SLC4A4: variants seen among roughly 807,000 people sequenced by gnomAD.
SLC4A4 encodes the protein electrogenic sodium bicarbonate cotransporter 1.
SLC4A4 carries 27 observed loss-of-function variants against 111.5 expected under a neutral mutation model. The ratio of observed to expected loss-of-function variants is 0.24; its 90% CI spans 0.18 to 0.33. SLC4A4 has a LOEUF of 0.33. Among genes scored for constraint, SLC4A4 ranks in the 10% least tolerant of loss-of-function variants. The pLI is 1.00. For synonymous variants in SLC4A4, 443 were observed against 463.4 expected (o/e 0.96, Z 0.57); for missense variants, 909 against 1,315.5 (o/e 0.69, Z 4.78).
intron 3 of SLC4A4, among the ~76,000 whole-genome samples, chr4:71,275,220 C>T (rs554937844): frequency 3.3e-5 from 5 of 152,224 alleles, no homozygotes; most frequent in African/African-American, 1.2e-4. Flanking sequence ...TCCAAGTTGC[C>T]CTGAGCTGTC....
intron 6 of SLC4A4, among the ~76,000 whole-genome samples, chr4:71,364,274 C>G (rs1329126668): frequency 2.0e-5 from 3 of 152,174 alleles, no homozygotes; most frequent in South Asian, 4.1e-4. Flanking sequence ...TTTACATAAT[C>G]TCTTTGAGCC....
intron 6 of SLC4A4, among the ~76,000 whole-genome samples, chr4:71,359,343 A>G (rs1378317376): frequency 1.3e-5 from 2 of 152,130 alleles, no homozygotes; most frequent in Admixed American, 6.5e-5. Flanking sequence ...ATCAGCTTAC[A>G]CTCTGAAGTG....
At chr4:71,283,757 G>A (rs986884498) in intron 3 of SLC4A4, among the ~76,000 whole-genome samples, 5 of 152,090 alleles carry the variant, frequency 3.3e-5, no homozygotes, top group African/African-American at 1.2e-4. Flanking sequence ...CAACATTTCC[G>A]CTGGTTTTGC....
intron 16 of SLC4A4, among the ~76,000 whole-genome samples, chr4:71,505,420 T>A (rs956881546): frequency 2.0e-5 from 3 of 152,018 alleles, no homozygotes; most frequent in Non-Finnish European, 4.4e-5. Context: ...CTCATTGCAG[T>A]TTTGATTTGC....
At chr4:71,077,353 G>T (rs1401135398) in intron 1 of SLC4A4, among the ~76,000 whole-genome samples, 1 of 151,990 alleles carries the variant, frequency 6.6e-6, no homozygotes, top group Non-Finnish European at 1.5e-5. Flanking sequence ...TAGAGACAGG[G>T]TTTCACCATG....
chr4:71,555,018 G>A (rs1307278923), intron 20 of SLC4A4, 122 bp from the exon 21 acceptor site: 2 of 752,314 alleles, frequency 2.7e-6, no homozygotes, highest in African/African-American at 1.7e-5. Context: ...ACTAGTTAGA[G>A]GTCACTAAGT....
chr4:71,308,973 C>T (rs571674251), intron 3 of SLC4A4, among the ~76,000 whole-genome samples: 4 of 152,200 alleles, frequency 2.6e-5, no homozygotes, highest in African/African-American at 9.7e-5. Flanking sequence ...AAGCTAAGAA[C>T]CACTGGCTTG....
intron 12 of SLC4A4, among the ~76,000 whole-genome samples, chr4:71,463,066 T>C (rs1487909649): frequency 6.6e-6 from 1 of 152,170 alleles, no homozygotes; most frequent in Non-Finnish European, 1.5e-5. Context: ...CTGCCAGTTG[T>C]TTGCTCTTTC....
chr4:71,076,877 C>T (rs1741847684), intron 1 of SLC4A4, among the ~76,000 whole-genome samples: 1 of 151,676 alleles, frequency 6.6e-6, no homozygotes, highest in Admixed American at 6.6e-5. Flanking sequence ...GTAGTCCCAG[C>T]TTCTTGGGAG....
At chr4:71,542,968 GT>G (rs1226035486) in intron 18 of SLC4A4, among the ~76,000 whole-genome samples, 1 of 152,070 alleles carries the variant, frequency 6.6e-6, no homozygotes, top group Non-Finnish European at 1.5e-5. Context: ...TGCTAGTTTG[GT>G]GGTGAACAAA....
intron 13 of SLC4A4, among the ~76,000 whole-genome samples, chr4:71,466,966 G>GAGAGAGA (rs369970583): frequency 0.083 from 7,284 of 87,476 alleles, 1,157 homozygotes; most frequent in Non-Finnish European, 0.11. Flanking sequence ...AGAGAGAGAG[G>GAGAGAGA]GAGAGAGAGA....
At chr4:71,417,266 A>C (rs916711523) in intron 7 of SLC4A4, among the ~76,000 whole-genome samples, 13 of 152,234 alleles carry the variant, frequency 8.5e-5, no homozygotes, top group Non-Finnish European at 1.6e-4. Context: ...TAAGAGTCAC[A>C]GCCAAGTCAA....
At chr4:71,432,234 G>T (rs1466703692) in intron 7 of SLC4A4, among the ~76,000 whole-genome samples, 6 of 152,120 alleles carry the variant, frequency 3.9e-5, no homozygotes, top group Non-Finnish European at 5.9e-5. Context: ...TGCCTAACTC[G>T]AGCAAGGAGT....
intron 3 of SLC4A4, among the ~76,000 whole-genome samples, chr4:71,330,563 C>T (rs1328207928): frequency 6.6e-6 from 1 of 152,112 alleles, no homozygotes; most frequent in Non-Finnish European, 1.5e-5. Context: ...CCCTTCCTTA[C>T]ACCTTATACA....
At chr4:71,451,013 G>A (rs1725712632) in intron 10 of SLC4A4, among the ~76,000 whole-genome samples, 175 bp from the exon 11 acceptor site, 2 of 152,178 alleles carry the variant, frequency 1.3e-5, no homozygotes, top group South Asian at 4.1e-4. Flanking sequence ...CCAGTCATTT[G>A]TATTGGTTCT....
At chr4:71,515,136 C>T (rs930083857) in intron 16 of SLC4A4, among the ~76,000 whole-genome samples, 4 of 151,898 alleles carry the variant, frequency 2.6e-5, no homozygotes, top group Non-Finnish European at 5.9e-5. Flanking sequence ...CTTCTTCATA[C>T]TGTTTTGCTG....
At chr4:71,263,670 A>G (rs1258961354) in intron 3 of SLC4A4, among the ~76,000 whole-genome samples, 4 of 152,226 alleles carry the variant, frequency 2.6e-5, no homozygotes, top group Non-Finnish European at 4.4e-5. Flanking sequence ...TCATGGTGCA[A>G]TGAAAAGAGA....
At chr4:71,117,190 C>T (rs974348830) in intron 2 of SLC4A4, among the ~76,000 whole-genome samples, 2 of 152,078 alleles carry the variant, frequency 1.3e-5, no homozygotes, top group South Asian at 2.1e-4. Flanking sequence ...CTATGTTGTG[C>T]AGGCGGATCT....
chr4:71,450,827 G>A (rs540259674), intron 10 of SLC4A4, among the ~76,000 whole-genome samples: 1 of 152,306 alleles, frequency 6.6e-6, no homozygotes, highest in Admixed American at 6.5e-5. Context: ...ATGTTTTGGG[G>A]ACCCCCTGTA....
Sources: gnomAD v4.1 joint callset for allele counts (sites outside exome capture counted in the v4.1 genomes callset) on GRCh38, gnomAD v4.1.1 for gene constraint, MANE v1.5 for transcripts, NCBI Gene and HGNC (gene_info 2026-07-23, HGNC 2026-07-21) for gene names.